Variants in PBX1 observed in about 807,000 individuals in gnomAD.
PBX1 encodes pre-B-cell leukemia transcription factor 1.
In PBX1, 6 loss-of-function variants were observed where a neutral mutation model predicts 53.4. That is an observed-to-expected ratio of 0.11 (90% CI 0.06 to 0.22). PBX1 has a LOEUF of 0.22. PBX1 is among the 10% of genes least tolerant of loss of function. The pLI is 1.00. For synonymous variants in PBX1, 204 were observed against 212.3 expected (o/e 0.96, Z 0.34); for missense variants, 251 against 551.4 (o/e 0.46, Z 5.46).
In PBX1 at chr1:164,734,340, A is replaced by G. The variant is rs374893898; in HGVS notation, c.266-58154A>G. On this transcript the variant is annotated intron_variant, in intron 2 of 8. Coordinates refer to ENST00000420696, the MANE Select transcript of PBX1 (RefSeq NM_002585.4). The stretch of plus-strand genomic sequence containing the variant: ...AATAACTCATTTGCATTTTTAAAAT[A>G]CAGAAAATATAAAAACTACAATACT... Among the ~76,000 whole-genome samples, 10 of 152,366 alleles carry G rather than the reference A, an allele frequency of 6.6e-5. 1 individual carries two copies. Among genetic ancestry groups the G allele is most frequent in the African/African-American group, 2.4e-4 (10 of 41,602 alleles).
At chr1:164,638,858 A>C (rs1346650862) in intron 2 of PBX1, among the ~76,000 whole-genome samples, 1 of 152,200 alleles carries the variant, frequency 6.6e-6, no homozygotes, top group Non-Finnish European at 1.5e-5. Context: ...GTGTGCATGG[A>C]ACATTGGAAG....
In PBX1 at chr1:164,849,735, A is replaced by G. The variant is rs1671742008; in HGVS notation, c.*3059A>G. The G allele has an allele frequency of 1.5e-5, 4 of 263,664 alleles. No individual in the cohort carries two copies. The highest frequency in any genetic ancestry group is 1.1e-3 in the Middle Eastern group (1 of 946). 16.3% of individuals were successfully genotyped at this position (263,664 alleles called of 1,614,324 possible). On this transcript the variant is annotated 3_prime_UTR_variant, in exon 9 of 9. Coordinates refer to ENST00000420696, the MANE Select transcript of PBX1 (RefSeq NM_002585.4). ...ATTTGCCAAGTGGCACCTTCTTTCA[A>G]TTTATGTTTTATTTTGCTATGGTGG...
intron 2 of PBX1, among the ~76,000 whole-genome samples, chr1:164,666,861 C>A (rs1416939614): frequency 1.3e-5 from 2 of 152,154 alleles, no homozygotes; most frequent in Non-Finnish European, 2.9e-5. Flanking sequence ...TTTATTAGAT[C>A]GTCTCATTGA....
chr1:164,802,697 A>G (rs1179923266), intron 4 of PBX1, among the ~76,000 whole-genome samples: 1 of 152,088 alleles, frequency 6.6e-6, no homozygotes, highest in Non-Finnish European at 1.5e-5. Flanking sequence ...CACTCAAGTC[A>G]TTTCCTGTCT....
At chr1:164,720,702 A>G (rs1251459774) in intron 2 of PBX1, among the ~76,000 whole-genome samples, 1 of 152,190 alleles carries the variant, frequency 6.6e-6, no homozygotes, top group Non-Finnish European at 1.5e-5. Flanking sequence ...GTGAAGAAAT[A>G]TTATCATTAG....
intron 2 of PBX1, among the ~76,000 whole-genome samples, chr1:164,709,794 G>C (rs1242532608): frequency 6.6e-6 from 1 of 152,182 alleles, no homozygotes; most frequent in African/African-American, 2.4e-5. Context: ...TTTTGAATTT[G>C]ATATTATTGC....
chr1:164,603,661 T>C, intron 2 of PBX1, among the ~76,000 whole-genome samples: 1 of 152,192 alleles, frequency 6.6e-6, no homozygotes, highest in East Asian at 1.9e-4. Context: ...AAGGTGTGAT[T>C]ACCTTTACCA....
chr1:164,721,203 C>T (rs2102106027), intron 2 of PBX1, among the ~76,000 whole-genome samples: 1 of 152,314 alleles, frequency 6.6e-6, no homozygotes, highest in South Asian at 2.1e-4. Flanking sequence ...GGGGCTTTTT[C>T]TAGTCATGCT....
chr1:164,801,832 A>G (rs959319600), intron 4 of PBX1, among the ~76,000 whole-genome samples: 2 of 152,372 alleles, frequency 1.3e-5, no homozygotes, highest in Admixed American at 1.3e-4. Flanking sequence ...CAGTGAAAGA[A>G]CATGACCCCA....
chr1:164,599,238 CT>C (rs907830956), intron 2 of PBX1, among the ~76,000 whole-genome samples: 9 of 151,530 alleles, frequency 5.9e-5, no homozygotes, highest in East Asian at 1.9e-4. Flanking sequence ...TTGTGTAATT[CT>C]TTTTTTTTAA....
chr1:164,598,229 T>C (rs770372978), intron 2 of PBX1, among the ~76,000 whole-genome samples: 5 of 152,210 alleles, frequency 3.3e-5, no homozygotes, highest in Non-Finnish European at 5.9e-5. Flanking sequence ...TTGGGAGACA[T>C]ATTCAAACCA....
chr1:164,628,332 C>G (rs1175600934), intron 2 of PBX1, among the ~76,000 whole-genome samples: 2 of 152,170 alleles, frequency 1.3e-5, no homozygotes, highest in South Asian at 4.1e-4. Context: ...GCATGACAGT[C>G]CCCTATCTCC....
intron 2 of PBX1, among the ~76,000 whole-genome samples, chr1:164,596,744 T>C (rs1655790361): frequency 6.6e-6 from 1 of 152,238 alleles, no homozygotes; most frequent in Non-Finnish European, 1.5e-5. Flanking sequence ...GTAGGGATAA[T>C]AGTGACATCC....
chr1:164,812,332 T>C (rs2102346325), intron 6 of PBX1, among the ~76,000 whole-genome samples, 183 bp downstream of exon 6: 1 of 152,366 alleles, frequency 6.6e-6, no homozygotes, highest in South Asian at 2.1e-4. Flanking sequence ...AAGAGCAATC[T>C]GTTAGACTTT....
At chr1:164,871,040 C>T (rs1375264592) in intron 2 of PBX1, among the ~76,000 whole-genome samples, 1 of 152,200 alleles carries the variant, frequency 6.6e-6, no homozygotes, top group Non-Finnish European at 1.5e-5. Context: ...AATTGAGCCC[C>T]TATGGCATAC....
At chr1:164,789,935 A>G (rs907036575) in intron 2 of PBX1, among the ~76,000 whole-genome samples, 1 of 152,082 alleles carries the variant, frequency 6.6e-6, no homozygotes, top group Non-Finnish European at 1.5e-5. Context: ...CTAAAGTGAA[A>G]CAACTATATT....
chr1:164,653,625 C>T (rs1005522022), intron 2 of PBX1, among the ~76,000 whole-genome samples: 1 of 152,126 alleles, frequency 6.6e-6, no homozygotes, highest in African/African-American at 2.4e-5. Flanking sequence ...CAAAAATTAG[C>T]CAGGCGTGGT....
intron 3 of PBX1, among the ~76,000 whole-genome samples, chr1:164,794,589 C>CCAGG (rs1313917477): frequency 1.3e-5 from 2 of 152,162 alleles, no homozygotes; most frequent in Non-Finnish European, 2.9e-5. Flanking sequence ...TCCCCAGATC[C>CCAGG]CAGGCAATGC....
At position 164,870,349 on chromosome 1, in the gene PBX1, CTTT is replaced by C. The variant is rs1558053884; in HGVS notation, n.258-28838_258-28836del. ...TCTTTCTTTCTTTCTTTCTTTCTTT[CTTT>C]CTTTCTTTCGAGATGAAGTCTTGCT... is the stretch of plus-strand genomic sequence containing the variant. On this transcript the variant is annotated intron_variant and non_coding_transcript_variant, in intron 2 of 2. Transcript: ENST00000558796. 4.3e-4 allele frequency among the ~76,000 whole-genome samples: 41 copies of C among 94,854 alleles called. 1 individual carries two copies. Among genetic ancestry groups the C allele is most frequent in the African/African-American group, 1.7e-3 (39 of 23,626 alleles). 62.2% of individuals were successfully genotyped at this position (94,854 alleles called of 152,430 possible).
Sources: allele counts gnomAD v4.1 joint callset (sites outside exome capture counted in the v4.1 genomes callset), GRCh38; gene constraint gnomAD v4.1.1; transcripts MANE v1.5; gene names NCBI Gene and HGNC (gene_info 2026-07-23, HGNC 2026-07-21).